The following TMEM87A variants were observed in gnomAD, a reference collection of about 807,000 sequenced individuals.
TMEM87A encodes Golgi-pH regulating cation channel.
In TMEM87A, 50 loss-of-function variants were observed where a neutral mutation model predicts 90.0. That is an observed-to-expected ratio of 0.56 (90% CI 0.44 to 0.70). The LOEUF (loss-of-function observed/expected upper bound fraction) is 0.70, where lower values mean the gene tolerates loss of function less well. Among genes scored for constraint, TMEM87A ranks in the 30% least tolerant of loss-of-function variants. The probability of loss-of-function intolerance (pLI) is 0.00; values close to 1 mark genes in which losing one functional copy is unlikely to be tolerated. For missense variants in TMEM87A, 577 were observed against 660.5 expected, an observed-to-expected ratio of 0.87 and a Z score of 1.39; for synonymous variants, 226 against 226.7, an observed-to-expected ratio of 1.00 and a Z score of 0.03.
intron 14 of TMEM87A, 161 bp from the exon 15 acceptor site, chr15:42,227,070 G>C (rs748603896): frequency 1.6e-6 from 1 of 631,960 alleles, no homozygotes; most frequent in East Asian, 2.8e-5. Context: ...GGGAAACAAA[G>C]TGAATGAATG....
intron 15 of TMEM87A, among the ~76,000 whole-genome samples, chr15:42,226,322 T>G (rs2050592363): frequency 6.6e-6 from 1 of 152,054 alleles, no homozygotes; most frequent in Non-Finnish European, 1.5e-5. Flanking sequence ...TTTTTTTTTT[T>G]TTTTTGGCAA....
At position 42,261,555 on chromosome 15, in the gene TMEM87A, T is replaced by C. The variant is rs144296807; in HGVS notation, c.406-306A>G. 3.8e-4 allele frequency among the ~76,000 whole-genome samples: 58 copies of C among 152,288 alleles called. 1 individual carries two copies. In the East Asian group the frequency reaches 4.0e-3, roughly 11 times the overall value. ...TTAGGATAGAAGAAGCTTAGATCATTTCCCCTCATTCTACAGATGAGTAAA... is the reference window on the plus strand; with the variant it reads ...TTAGGATAGAAGAAGCTTAGATCATCTCCCCTCATTCTACAGATGAGTAAA... On this transcript the variant is annotated intron_variant, in intron 4 of 19. Transcript: ENST00000389834.
chr15:42,258,847 G>C (rs1452648950), intron 6 of TMEM87A: 1 of 1,497,538 alleles, frequency 6.7e-7, no homozygotes, highest in East Asian at 2.5e-5. Context: ...CAGAATGGCA[G>C]AATAAGAAAC....
chr15:42,225,677 G>T (rs1348778371), intron 15 of TMEM87A, among the ~76,000 whole-genome samples: 1 of 152,024 alleles, frequency 6.6e-6, no homozygotes, highest in Non-Finnish European at 1.5e-5. Flanking sequence ...GATTAGAGGT[G>T]TGCACTGCCA....
chr15:42,257,549 A>G (rs2051207253), intron 6 of TMEM87A, among the ~76,000 whole-genome samples: 1 of 152,224 alleles, frequency 6.6e-6, no homozygotes, highest in Non-Finnish European at 1.5e-5. Flanking sequence ...TCATAGCAAC[A>G]TAAACAAAGA....
chr15:42,232,649 A>AC (rs1424765477), intron 11 of TMEM87A, among the ~76,000 whole-genome samples: 1 of 140,508 alleles, frequency 7.1e-6, no homozygotes, highest in Admixed American at 7.2e-5. Context: ...AATTTCTCGT[A>AC]TTTTTTTTTT....
At chr15:42,222,977 C>T (rs969013004) in intron 15 of TMEM87A, among the ~76,000 whole-genome samples, 4 of 152,152 alleles carry the variant, frequency 2.6e-5, no homozygotes, top group African/African-American at 9.7e-5. Context: ...AAAAACTACT[C>T]CATATTTCTG....
chr15:42,227,817 T>C (rs1339424690), intron 13 of TMEM87A, 48 bp from the exon 14 acceptor site: 2 of 1,549,328 alleles, frequency 1.3e-6, no homozygotes, highest in South Asian at 2.2e-5. Flanking sequence ...CTGGTTTACA[T>C]CCCCAATTAC....
intron 19 of TMEM87A, among the ~76,000 whole-genome samples, chr15:42,212,642 A>C (rs557566094): frequency 6.6e-6 from 1 of 152,306 alleles, no homozygotes; most frequent in African/African-American, 2.4e-5. Flanking sequence ...TTTCTTCAGA[A>C]ACTGCATATA....
intron 7 of TMEM87A, among the ~76,000 whole-genome samples, chr15:42,241,273 A>G (rs985398600): frequency 6.6e-6 from 1 of 152,210 alleles, no homozygotes; most frequent in Non-Finnish European, 1.5e-5. Context: ...GGGGAGAGGG[A>G]GTTGACAAGC....
chr15:42,219,570 G>C lies in TMEM87A; in HGVS notation c.1539+11C>G, dbSNP rs1452719346. On this transcript the variant is annotated intron_variant, in intron 17 of 19. Coordinates refer to ENST00000389834, the MANE Select transcript of TMEM87A (RefSeq NM_015497.5). ...ACAAAGAACAAAGACAAATGGAAAAGTCATACTTACTGCTTTGTTAACTTT... is the reference window on the plus strand; with the variant it reads ...ACAAAGAACAAAGACAAATGGAAAACTCATACTTACTGCTTTGTTAACTTT... 2.2e-5 allele frequency: 35 copies of C among 1,588,848 alleles called. No homozygotes were observed. In the Admixed American group the frequency reaches 6.2e-4, roughly 28 times the overall value.
chr15:42,249,828 T>C (rs566515657), intron 6 of TMEM87A, among the ~76,000 whole-genome samples: 1 of 152,322 alleles, frequency 6.6e-6, no homozygotes, highest in South Asian at 2.1e-4. Context: ...TGGATATCCT[T>C]GTTAACCTTC....
intron 11 of TMEM87A, 79 bp from the exon 12 acceptor site, chr15:42,231,339 T>C (rs1241536167): frequency 7.5e-6 from 9 of 1,193,370 alleles, no homozygotes; most frequent in Non-Finnish European, 1.0e-5. Flanking sequence ...TGATTCTGCA[T>C]TTACATAATC....
At chr15:42,238,062 T>C (rs573022221) in intron 8 of TMEM87A, among the ~76,000 whole-genome samples, 31 of 152,102 alleles carry the variant, frequency 2.0e-4, no homozygotes, top group African/African-American at 6.3e-4. Flanking sequence ...ATGTATACCA[T>C]ATAAAAGGTG....
In TMEM87A at chr15:42,228,679, A is replaced by G. The variant is rs1374170155; in HGVS notation, c.1240+33T>C. The G allele has an allele frequency of 4.4e-6, 7 of 1,574,660 alleles. No individual in the cohort carries two copies. In the South Asian group the frequency reaches 7.7e-5, roughly 17 times the overall value. ...AGAATGTCCATTCTAAACAGATCAC[A>G]TTTGAACTCCAAGAAGAAAGTCCCA... On this transcript the variant is annotated intron_variant, in intron 13 of 19. Coordinates refer to ENST00000389834, the MANE Select transcript of TMEM87A (RefSeq NM_015497.5).
chr15:42,226,874 C>A lies in TMEM87A; in HGVS notation c.1335G>T (p.Trp445Cys). 6.2e-7 allele frequency: 1 copy of A among 1,614,124 alleles called. No homozygotes were observed. Among genetic ancestry groups the A allele is most frequent in the Non-Finnish European group, 8.5e-7 (1 of 1,180,048 alleles). Reference protein sequence around the residue: ...WRELWVDDAIWRLLFSMILFV... With the variant: ...WRELWVDDAICRLLFSMILFV... ...AGAGGATCATGGAGAACAGCAAGCG[C>A]CAGATGGCATCGTCTACCCACAGCT... Residue 445 changes from tryptophan to cysteine, a missense_variant, in exon 15 of 20, where the codon TGG (tryptophan) becomes TGT (cysteine). Physicochemically the swap from Trp to Cys is radical, Grantham distance 215 (BLOSUM62 -2). Transcript: ENST00000389834.
Position 42,210,500 on chromosome 15 carries a change from A to G in TMEM87A, c.*1208T>C, listed in dbSNP as rs1369093138. The G allele has an allele frequency of 6.6e-6, 1 of 152,218 alleles. No individual in the cohort carries two copies. Among genetic ancestry groups the G allele is most frequent in the Non-Finnish European group, 1.5e-5 (1 of 68,038 alleles). 9.4% of individuals were successfully genotyped at this position (152,218 alleles called of 1,614,324 possible). A position where few individuals can be genotyped will look rare whatever the true frequency, so the allele number is the denominator to read the frequency against. ...AGTTTGACAGAAAGAGTCTTTAGAAAAAGTTTGAAAAAAATGAGAAAAATA... is the reference window on the plus strand; with the variant it reads ...AGTTTGACAGAAAGAGTCTTTAGAAGAAGTTTGAAAAAAATGAGAAAAATA... On this transcript the variant is annotated 3_prime_UTR_variant, in exon 20 of 20. Coordinates refer to ENST00000389834, the MANE Select transcript of TMEM87A (RefSeq NM_015497.5).
intron 4 of TMEM87A, among the ~76,000 whole-genome samples, chr15:42,262,437 CCTT>C (rs1282152504): frequency 1.4e-5 from 1 of 73,970 alleles, no homozygotes; most frequent in Non-Finnish European, 2.5e-5. Flanking sequence ...ATCAATTATC[CCTT>C]TTTTTTTTTT....
In TMEM87A at chr15:42,253,449, T is replaced by C. The variant is rs895132364; in HGVS notation, c.504+7509A>G. The stretch of plus-strand genomic sequence containing the variant: ...TAATACTTCTGCATTCAAATGCTTT[T>C]GGCAAACACAACCCAGGAAGCCACT... On this transcript the variant is annotated intron_variant, in intron 6 of 19. Transcript: ENST00000389834. Among the ~76,000 whole-genome samples the C allele has an allele frequency of 9.5e-4, 144 of 152,288 alleles. 1 individual carries two copies. Among genetic ancestry groups the C allele is most frequent in the African/African-American group, 3.2e-3 (135 of 41,558 alleles).
Sources: gnomAD v4.1 joint callset for allele counts (sites outside exome capture counted in the v4.1 genomes callset) on GRCh38, gnomAD v4.1.1 for gene constraint, MANE v1.5 for transcripts, NCBI Gene and HGNC (gene_info 2026-07-23, HGNC 2026-07-21) for gene names.